The following OSBPL9 variants were observed in gnomAD, a reference collection of about 807,000 sequenced individuals.
The protein encoded by OSBPL9 is oxysterol binding protein like 9, also known as oxysterol-binding protein-related protein 9.
A neutral mutation model predicts 106.6 loss-of-function variants in OSBPL9; 40 were observed. That is an observed-to-expected ratio of 0.38 (90% CI 0.29 to 0.49). The LOEUF (loss-of-function observed/expected upper bound fraction) is 0.49. Among genes scored for constraint, OSBPL9 ranks in the 20% least tolerant of loss-of-function variants. The pLI is 0.97. For synonymous variants in OSBPL9, 269 were observed against 295.4 expected, an observed-to-expected ratio of 0.91 and a Z score of 0.92; for missense variants, 609 against 887.2, an observed-to-expected ratio of 0.69 and a Z score of 3.98.
At chr1:51,735,470 C>T (rs1665462855) in intron 4 of OSBPL9, among the ~76,000 whole-genome samples, 1 of 152,120 alleles carries the variant, frequency 6.6e-6, no homozygotes, top group Non-Finnish European at 1.5e-5. Flanking sequence ...CATTTCTGTC[C>T]AAATCCTACA....
intron 3 of OSBPL9, chr1:51,707,163 A>G: frequency 2.5e-6 from 1 of 396,710 alleles, no homozygotes; most frequent in Non-Finnish European, 5.1e-6. Flanking sequence ...GTGGACCATG[A>G]GGTCCACCAC....
intron 9 of OSBPL9, among the ~76,000 whole-genome samples, chr1:51,757,683 T>A (rs1163337691): frequency 6.6e-6 from 1 of 152,120 alleles, no homozygotes; most frequent in East Asian, 1.9e-4. Flanking sequence ...TCCTTAAGAA[T>A]TTTTATTTTG....
Position 51,756,340 on chromosome 1 carries a change from G to A in OSBPL9, c.564G>A (p.Lys188=), listed in dbSNP as rs1198612582. The A allele has an allele frequency of 6.2e-7, 1 of 1,613,146 alleles. No homozygotes were observed. Among genetic ancestry groups the A allele is most frequent in the Non-Finnish European group, 8.5e-7 (1 of 1,179,386 alleles). Residue 188 remains lysine (K), a synonymous_variant, in exon 9 of 24, where the codon AAG becomes AAA. Transcript: ENST00000428468. The stretch of plus-strand genomic sequence containing the variant: ...TTAAGGACCAGAGTAATGCGGAGAA[G>A]CACGCAGATGGAATGATAGTAAGTT... ...QIAKDQSNAE[K]HADGMISTIN...
At chr1:51,699,392 C>T (rs1438561628) in intron 3 of OSBPL9, among the ~76,000 whole-genome samples, 1 of 152,086 alleles carries the variant, frequency 6.6e-6, no homozygotes, top group Non-Finnish European at 1.5e-5. Context: ...CAGACACACA[C>T]ATATACACTC....
chr1:51,789,105 A>AAT lies in OSBPL9; in HGVS notation c.*1317_*1318dup. ...TAGTCTCAACAAAGGATAAAAAGTA[A>AAT]ATCAAATGCTATGATGCCAGTGCAA... On this transcript the variant is annotated 3_prime_UTR_variant, in exon 24 of 24. Transcript: ENST00000428468. 2.4e-6 allele frequency: 2 copies of AAT among 847,472 alleles called. No homozygotes were observed. The highest frequency in any genetic ancestry group is 3.8e-6 in the Non-Finnish European group (2 of 528,800). The allele number at this position is 847,472 out of a possible 1,614,324, so 52.5% of individuals were successfully genotyped here.
At chr1:51,767,686 G>A (rs1370399821) in intron 12 of OSBPL9, among the ~76,000 whole-genome samples, 1 of 152,056 alleles carries the variant, frequency 6.6e-6, no homozygotes, top group African/African-American at 2.4e-5. Flanking sequence ...AACTAAAGAA[G>A]GCCAGTGTAG....
At position 51,725,144 on chromosome 1, in the gene OSBPL9, C is replaced by T. The variant is rs560852743; in HGVS notation, c.318+11065C>T. On this transcript the variant is annotated intron_variant, in intron 4 of 23. Coordinates refer to ENST00000428468, the MANE Select transcript of OSBPL9 (RefSeq NM_024586.6). ...CCAGTCTTTTTTTCCTTTTGCTTCT[C>T]GGTTTTGTAGGTGTCTGTTGAGATA... is the stretch of plus-strand genomic sequence containing the variant. Among the ~76,000 whole-genome samples, 5 of 149,580 alleles carry T rather than the reference C, an allele frequency of 3.3e-5. No individual in the cohort carries two copies. The East Asian group carries it at 5.9e-4, about 18-fold the overall frequency.
In OSBPL9 at chr1:51,731,756, A is replaced by G. The variant is rs539423506; in HGVS notation, c.319-13780A>G. Among the ~76,000 whole-genome samples the G allele has an allele frequency of 2.8e-4, 43 of 151,198 alleles. 1 individual carries two copies. The South Asian group carries it at 8.4e-3, about 29-fold the overall frequency. ...CGTGCCACTGCACTCCAGCCTGGCG[A>G]CAGAGCAAGAGTCTGTCTCAAAAAA... On this transcript the variant is annotated intron_variant, in intron 4 of 23. Transcript: ENST00000428468.
chr1:51,556,258 T>C, the OSBPL9 span, among the ~76,000 whole-genome samples: 1 of 152,226 alleles, frequency 6.6e-6, no homozygotes, highest in African/African-American at 2.4e-5. Flanking sequence ...TACCTGAGTA[T>C]GTTTCAAAAA....
intron 1 of OSBPL9, among the ~76,000 whole-genome samples, chr1:51,580,929 T>C (rs1308610928): frequency 0.045 from 101 of 2,250 alleles, 5 homozygotes; most frequent in Middle Eastern, 0.33. Context: ...TATATATATA[T>C]ATATATATAT....
chr1:51,752,646 A>G (rs939729914), intron 8 of OSBPL9: 2 of 441,194 alleles, frequency 4.5e-6, no homozygotes, highest in East Asian at 7.0e-5. Flanking sequence ...TCCAAGATCA[A>G]CATTCTGGCC....
At chr1:51,655,742 T>C (rs543842659) in intron 2 of OSBPL9, among the ~76,000 whole-genome samples, 1 of 152,208 alleles carries the variant, frequency 6.6e-6, no homozygotes, top group African/African-American at 2.4e-5. Flanking sequence ...CATTCCTTTG[T>C]TGAGTGGAAA....
chr1:51,534,129 G>A, the OSBPL9 span, among the ~76,000 whole-genome samples: 8 of 151,648 alleles, frequency 5.3e-5, no homozygotes, highest in East Asian at 1.9e-4. Flanking sequence ...ACTTGAACCC[G>A]GGAGGAGGAG....
intron 1 of OSBPL9, among the ~76,000 whole-genome samples, chr1:51,584,379 A>G (rs1257306592): frequency 6.6e-6 from 1 of 152,090 alleles, no homozygotes; most frequent in Non-Finnish European, 1.5e-5. Flanking sequence ...TCTGGGTCTC[A>G]TTTTCCCCAT....
intron 17 of OSBPL9, among the ~76,000 whole-genome samples, 186 bp from the exon 18 acceptor site, chr1:51,783,729 G>A (rs1282451362): frequency 6.6e-6 from 1 of 152,130 alleles, no homozygotes; most frequent in Non-Finnish European, 1.5e-5. Flanking sequence ...CTGCCCACGT[G>A]GCTCTGAATG....
At chr1:51,784,409 G>A (rs1484248286) in intron 19 of OSBPL9, 33 bp from the exon 20 acceptor site, 2 of 1,613,416 alleles carry the variant, frequency 1.2e-6, no homozygotes, top group Admixed American at 1.7e-5. Flanking sequence ...CCTCTTAACT[G>A]TCAACCTTAC....
chr1:51,669,663 G>T, intron 3 of OSBPL9, 151 bp downstream of exon 3: 2 of 653,220 alleles, frequency 3.1e-6, no homozygotes, highest in Non-Finnish European at 5.5e-6. Context: ...GGTACTGCAG[G>T]TTAGGCAGGG....
upstream of OSBPL9, among the ~76,000 whole-genome samples, chr1:51,616,524 C>T (rs1644062805): frequency 6.6e-6 from 1 of 152,190 alleles, no homozygotes; most frequent in African/African-American, 2.4e-5. Context: ...TAAAAGTTAC[C>T]TTTTCACTCA....
chr1:51,624,666 G>A (rs992303618), intron 1 of OSBPL9, among the ~76,000 whole-genome samples: 12 of 152,142 alleles, frequency 7.9e-5, no homozygotes, highest in African/African-American at 2.9e-4. Context: ...CTAAGATAGT[G>A]AGTAGTATCA....
Sources: gnomAD v4.1 joint callset for allele counts (sites outside exome capture counted in the v4.1 genomes callset) on GRCh38, gnomAD v4.1.1 for gene constraint, MANE v1.5 for transcripts, NCBI Gene and HGNC (gene_info 2026-07-23, HGNC 2026-07-21) for gene names.